The following SRGAP2 variants were observed in gnomAD, a reference collection of about 807,000 sequenced individuals.
SRGAP2 encodes the protein SLIT-ROBO Rho GTPase activating protein 2, also known as SLIT-ROBO Rho GTPase-activating protein 2.
Under a neutral mutation model 57.2 loss-of-function variants are expected in SRGAP2, and 15 were observed. The observed-to-expected ratio is 0.26, with a 90% confidence interval of 0.18 to 0.40. The LOEUF is 0.40. SRGAP2 is among the 10% of genes least tolerant of loss of function. SRGAP2 has a pLI of 1.00. For missense variants in SRGAP2, 520 were observed against 669.6 expected (o/e 0.78, Z 2.47); for synonymous variants, 249 against 248.0 (o/e 1.00, Z -0.04).
At chr1:206,308,251 A>T (rs1672380577) in intron 3 of SRGAP2, among the ~76,000 whole-genome samples, 1 of 47,028 alleles carries the variant, frequency 2.1e-5, no homozygotes, top group South Asian at 7.2e-4. Context: ...TACAGGAAGC[A>T]ATTAGAGCAT....
intron 2 of SRGAP2, 153 bp downstream of exon 2, chr1:206,206,190 C>T (rs1665899191): frequency 1.5e-5 from 8 of 540,000 alleles, no homozygotes; most frequent in Non-Finnish European, 2.4e-5. Flanking sequence ...TCTGAACCTC[C>T]AAAGGATGGG....
rs530971921 is a variant in SRGAP2 at position 206,253,743 on chromosome 1, G to T, written c.67+47706G>T. Among the ~76,000 whole-genome samples, 1,255 of 150,718 alleles carry T rather than the reference G, an allele frequency of 8.3e-3. 4 individuals are homozygous for T. Among genetic ancestry groups the T allele is most frequent in the Middle Eastern group, 0.028 (8 of 288 alleles). ...ACTACAGGCGCCCGCCACCAGGCCCGGCTAATTTTTTTTGTATTTTTAGCA... is the reference window on the plus strand; with the variant it reads ...ACTACAGGCGCCCGCCACCAGGCCCTGCTAATTTTTTTTGTATTTTTAGCA... On this transcript the variant is annotated intron_variant, in intron 2 of 22. Coordinates refer to ENST00000573034, the MANE Select transcript of SRGAP2 (RefSeq NM_015326.5).
intron 21 of SRGAP2, among the ~76,000 whole-genome samples, chr1:206,456,552 A>G (rs1663850472): frequency 6.6e-6 from 1 of 152,346 alleles, no homozygotes; most frequent in South Asian, 2.1e-4. Context: ...AAGCCATCAT[A>G]TATTTGATGC....
chr1:206,442,020 C>T (rs1398261035), intron 17 of SRGAP2, among the ~76,000 whole-genome samples: 1 of 152,230 alleles, frequency 6.6e-6, no homozygotes, highest in Non-Finnish European at 1.5e-5. Flanking sequence ...GAGCCTTCTA[C>T]AAGGTTAGTC....
In SRGAP2 at chr1:206,255,248, C is replaced by T. The variant is rs531181436; in HGVS notation, c.68-48033C>T. On this transcript the variant is annotated intron_variant, in intron 2 of 22. Transcript: ENST00000573034. ...AGTTCGAGATCTTATTGGCCTGTCT[C>T]GTCAGGTTGGTGTCAGCCCAGCTAG... Among the ~76,000 whole-genome samples, 7 of 151,392 alleles carry T rather than the reference C, an allele frequency of 4.6e-5. No homozygotes were observed. In the East Asian group the frequency reaches 9.8e-4, roughly 21 times the overall value.
Position 206,257,726 on chromosome 1 carries a change from A to G in SRGAP2, c.68-45555A>G, listed in dbSNP as rs1391666819. ...AGTGGTAGAGTAGTGTGGTGGTAGG[A>G]AAGCAGACTATATATATACATATAT... On this transcript the variant is annotated intron_variant, in intron 2 of 22. Transcript: ENST00000573034. 8.7e-5 allele frequency among the ~76,000 whole-genome samples: 10 copies of G among 115,380 alleles called. 2 individuals carry two copies. The East Asian group carries it at 3.9e-3, about 45-fold the overall frequency. 75.7% of individuals were successfully genotyped at this position (115,380 alleles called of 152,430 possible).
chr1:206,456,525 G>A (rs1663848059), intron 21 of SRGAP2, among the ~76,000 whole-genome samples: 1 of 152,112 alleles, frequency 6.6e-6, no homozygotes, highest in Non-Finnish European at 1.5e-5. Context: ...TAGATAATTA[G>A]TTAAGTACAT....
intron 14 of SRGAP2, 69 bp from the exon 15 acceptor site, chr1:206,436,896 A>G (rs1661808615): frequency 2.6e-6 from 2 of 776,040 alleles, no homozygotes; most frequent in South Asian, 2.7e-5. Context: ...CAGATATTCA[A>G]CTAAGCTTGG....
chr1:206,309,325 T>C (rs1672457081), intron 3 of SRGAP2, among the ~76,000 whole-genome samples: 1 of 151,844 alleles, frequency 6.6e-6, no homozygotes, highest in South Asian at 2.1e-4. Flanking sequence ...TGATAGCTCT[T>C]TGATAGCAAG....
At position 206,369,926 on chromosome 1, in the gene SRGAP2, T is replaced by C. The variant is rs539987564; in HGVS notation, c.424-14088T>C. ...TGTATACCCAAGAGAATTGAAAACA[T>C]ATGCTCACACAAGAACTTATACACA... On this transcript the variant is annotated intron_variant, in intron 4 of 22. Transcript: ENST00000573034. Among the ~76,000 whole-genome samples the C allele has an allele frequency of 3.3e-5, 5 of 150,944 alleles. No homozygotes were observed. In the South Asian group the frequency reaches 1.1e-3, roughly 32 times the overall value.
At chr1:206,456,416 C>T (rs1663836990) in intron 21 of SRGAP2, among the ~76,000 whole-genome samples, 1 of 152,122 alleles carries the variant, frequency 6.6e-6, no homozygotes, top group African/African-American at 2.4e-5. Context: ...ACATTTTTTT[C>T]CTTATTTACA....
At chr1:206,428,225 G>A (rs576963059) in intron 13 of SRGAP2, among the ~76,000 whole-genome samples, 33 of 152,100 alleles carry the variant, frequency 2.2e-4, no homozygotes, top group Non-Finnish European at 4.4e-4. Flanking sequence ...GACCGTCCTG[G>A]CTAACACAAT....
intron 11 of SRGAP2, among the ~76,000 whole-genome samples, chr1:206,416,993 T>C (rs1659775877): frequency 6.6e-6 from 1 of 152,234 alleles, no homozygotes; most frequent in Non-Finnish European, 1.5e-5. Flanking sequence ...GGAGCCTCAC[T>C]TCTTATTATA....
At chr1:206,258,501 GA>G (rs1368726732) in intron 2 of SRGAP2, among the ~76,000 whole-genome samples, 2 of 136,652 alleles carry the variant, frequency 1.5e-5, no homozygotes, top group African/African-American at 5.7e-5. Context: ...TGAGCCACCA[GA>G]AAGCAAAGAT....
At chr1:206,460,939 G>C in intron 22 of SRGAP2, 98 bp from the exon 23 acceptor site, 1 of 603,944 alleles carries the variant, frequency 1.7e-6, no homozygotes, top group East Asian at 2.6e-5. Context: ...GACATCTTAC[G>C]GTCATTTTCT....
intron 2 of SRGAP2, among the ~76,000 whole-genome samples, chr1:206,291,012 T>G (rs1290396177): frequency 6.6e-6 from 1 of 151,226 alleles, no homozygotes; most frequent in African/African-American, 2.5e-5. Context: ...CCCAACCACA[T>G]ACACCTAAAC....
chr1:206,319,131 G>T (rs1673269035), intron 3 of SRGAP2, among the ~76,000 whole-genome samples: 1 of 151,566 alleles, frequency 6.6e-6, no homozygotes, highest in Non-Finnish European at 1.5e-5. Flanking sequence ...AAACAGAGGT[G>T]CCGGGTGCGG....
At chr1:206,420,116 G>A (rs66887912) in intron 12 of SRGAP2, among the ~76,000 whole-genome samples, 9,950 of 152,136 alleles carry the variant, frequency 0.065, 855 homozygotes, top group African/African-American at 0.2. Flanking sequence ...TAGAGAAGGG[G>A]CTTTAATGGG....
intron 5 of SRGAP2, among the ~76,000 whole-genome samples, chr1:206,386,785 C>A (rs1248646422): frequency 1.5e-5 from 2 of 134,924 alleles, no homozygotes; most frequent in Admixed American, 7.8e-5. Context: ...GGCAACAGAG[C>A]GAGACTGTCT....
Sources: allele counts gnomAD v4.1 joint callset (sites outside exome capture counted in the v4.1 genomes callset), GRCh38; gene constraint gnomAD v4.1.1; transcripts MANE v1.5; gene names NCBI Gene and HGNC (gene_info 2026-07-23, HGNC 2026-07-21).